POLR1C: variants seen among roughly 807,000 people sequenced by gnomAD.
POLR1C encodes DNA-directed RNA polymerases I and III subunit RPAC1.
Under a neutral mutation model 38.3 loss-of-function variants are expected in POLR1C, and 42 were observed. The observed-to-expected ratio is 1.10, with a 90% CI of 0.86 to 1.42. The LOEUF is 1.42. Among genes scored for constraint, POLR1C ranks in the 40% most tolerant of loss-of-function variants. The pLI, the probability that POLR1C is intolerant of heterozygous loss-of-function variation, is 0.00. For missense variants in POLR1C, 507 were observed against 450.5 expected (o/e 1.13, Z -1.14); for synonymous variants, 163 against 163.9 (o/e 0.99, Z 0.04).
downstream of POLR1C, chr6:43,526,283 G>A (rs936557549): frequency 1.1e-5 from 4 of 360,940 alleles, no homozygotes; most frequent in Non-Finnish European, 2.1e-5. Context: ...ATTCTAACAT[G>A]GGAGATAGGT....
chr6:43,519,189 T>C (rs750685511), intron 2 of POLR1C, 144 bp from the exon 3 acceptor site: 51 of 697,740 alleles, frequency 7.3e-5, no homozygotes, highest in Non-Finnish European at 1.1e-4. Flanking sequence ...CTGGGCGAGA[T>C]AGAATATTTA....
chr6:43,528,354 T>TA (rs1430193060), intron 8 of POLR1C: 37 of 730,542 alleles, frequency 5.1e-5, no homozygotes, highest in South Asian at 1.7e-4. Context: ...ACCACAAGGT[T>TA]AAAAAAAACA....
At chr6:43,524,460 G>A (rs1321192980), downstream of POLR1C, 5 of 1,612,342 alleles carry the variant, frequency 3.1e-6, no homozygotes, top group Admixed American at 1.7e-5. Context: ...TATTGAAGGT[G>A]CATGACCTAC....
intron 9 of POLR1C, chr6:43,546,617 T>C (rs766750073): frequency 6.2e-7 from 1 of 1,613,928 alleles, no homozygotes; most frequent in South Asian, 1.1e-5. Flanking sequence ...ATCTGCTCTG[T>C]GCAGGGGTTA....
chr6:43,531,467 T>C (rs775536650), downstream of POLR1C: 3 of 1,608,398 alleles, frequency 1.9e-6, no homozygotes, highest in Middle Eastern at 1.7e-4. Flanking sequence ...AGAGGCAGCA[T>C]TGGTTCCTTA....
intron 8 of POLR1C, chr6:43,527,627 C>T (rs965764512): frequency 1.9e-6 from 3 of 1,613,678 alleles, no homozygotes; most frequent in Middle Eastern, 1.6e-4. Flanking sequence ...TTCGACATGC[C>T]ACTTACTGAT....
intron 9 of POLR1C, among the ~76,000 whole-genome samples, chr6:43,540,676 G>A (rs1014362059): frequency 1.3e-5 from 2 of 151,962 alleles, no homozygotes; most frequent in South Asian, 2.1e-4. Context: ...TTAAAAAATC[G>A]ATATGGGGTC....
intron 9 of POLR1C, among the ~76,000 whole-genome samples, chr6:43,537,574 T>C (rs770171518): frequency 3.9e-5 from 6 of 152,210 alleles, no homozygotes; most frequent in Non-Finnish European, 8.8e-5. Flanking sequence ...GGAAGTTTAC[T>C]TACAAACATG....
chr6:43,540,162 G>A (rs1023553816), intron 9 of POLR1C, among the ~76,000 whole-genome samples: 9 of 152,298 alleles, frequency 5.9e-5, no homozygotes, highest in East Asian at 3.9e-4. Flanking sequence ...GGCCAAGGAG[G>A]GGGGATCACC....
intron 10 of POLR1C, chr6:43,558,492 A>G (rs1387116642): frequency 6.3e-7 from 1 of 1,591,314 alleles, no homozygotes; most frequent in Non-Finnish European, 8.6e-7. Context: ...CAAGGCCAAC[A>G]TCACTTACAG....
intron 10 of POLR1C, among the ~76,000 whole-genome samples, chr6:43,557,821 G>A (rs1054083766): frequency 6.8e-6 from 1 of 147,978 alleles, no homozygotes; most frequent in East Asian, 2.0e-4. Flanking sequence ...GAGGCTGGGC[G>A]CGGTGGTTCG....
intron 9 of POLR1C, chr6:43,546,746 A>C: frequency 6.3e-7 from 1 of 1,584,252 alleles, no homozygotes; most frequent in Non-Finnish European, 8.5e-7. Flanking sequence ...TATACACAAA[A>C]GCTCATCTAT....
chr6:43,550,374 C>T (rs180885197), intron 9 of POLR1C, among the ~76,000 whole-genome samples: 4 of 152,328 alleles, frequency 2.6e-5, no homozygotes. Flanking sequence ...ACTGGGCATT[C>T]TCCAACTCAA....
chr6:43,553,143 T>C (rs1795331169), intron 10 of POLR1C, among the ~76,000 whole-genome samples: 1 of 151,910 alleles, frequency 6.6e-6, no homozygotes, highest in African/African-American at 2.4e-5. Context: ...GACTCCATTT[T>C]TATTATAAAT....
At chr6:43,544,887 T>C (rs1286087573) in intron 9 of POLR1C, among the ~76,000 whole-genome samples, 1 of 152,200 alleles carries the variant, frequency 6.6e-6, no homozygotes, top group East Asian at 1.9e-4. Context: ...ATTTATTTAT[T>C]TTGAGATGGA....
downstream of POLR1C, among the ~76,000 whole-genome samples, chr6:43,534,183 G>C (rs565633967): frequency 5.9e-5 from 9 of 152,310 alleles, no homozygotes; most frequent in African/African-American, 1.9e-4. Context: ...GAACAGACTT[G>C]TATAGATATA....
rs754531009 is a variant in POLR1C, at chr6:43,558,528, C to T, written c.*49-2872C>T. On this transcript the variant is annotated intron_variant, in intron 10 of 10. Transcript: ENST00000607635. ...TTGAAGAAAGCATTGAAGTCCTCAT[C>T]GCTATCAAAATCAAACCGAGAATAT... 14 of 1,603,840 alleles carry T rather than the reference C, an allele frequency of 8.7e-6. No homozygotes were observed. The highest frequency in any genetic ancestry group is 1.1e-5 in the South Asian group (1 of 88,498).
Position 43,521,309 on chromosome 6 carries a change from G to C in POLR1C, c.*9G>C. 1.2e-5 allele frequency: 19 copies of C among 1,612,102 alleles called. No individual in the cohort carries two copies. Among genetic ancestry groups the C allele is most frequent in the Non-Finnish European group, 1.6e-5 (19 of 1,179,936 alleles). The stretch of plus-strand genomic sequence containing the variant: ...CGGTTCAGATGGACTGAGCTTGGAT[G>C]CTTCTGAGGCAAGCTGAAGCTTTGG... On this transcript the variant is annotated 3_prime_UTR_variant, in exon 9 of 9. Transcript: ENST00000642195.
chr6:43,522,801 C>T (rs1013068383), downstream of POLR1C: 13 of 404,198 alleles, frequency 3.2e-5, no homozygotes, highest in South Asian at 5.3e-5. Context: ...CTCTGCCTTA[C>T]GGCCAGTAAT....
Sources: gnomAD v4.1 joint callset for allele counts (sites outside exome capture counted in the v4.1 genomes callset) on GRCh38, gnomAD v4.1.1 for gene constraint, MANE v1.5 for transcripts, NCBI Gene and HGNC (gene_info 2026-07-23, HGNC 2026-07-21) for gene names.